LINGO2: variants seen among roughly 807,000 people sequenced by gnomAD.
LINGO2 encodes the protein leucine-rich repeat and immunoglobulin-like domain-containing nogo receptor-interacting protein 2.
A neutral mutation model predicts 30.6 loss-of-function variants in LINGO2; 14 were observed. The observed-to-expected ratio is 0.46, with a 90% CI of 0.30 to 0.72. The LOEUF (loss-of-function observed/expected upper bound fraction) is 0.72, where lower values mean the gene tolerates loss of function less well. Ranked by LOEUF, LINGO2 falls within the 30% of genes least tolerant of loss-of-function variation. LINGO2 has a pLI of 0.07. For synonymous variants in LINGO2, 317 were observed against 288.5 expected (o/e 1.10, Z -1.00); for missense variants, 729 against 751.7 (o/e 0.97, Z 0.35).
intron 1 of LINGO2, among the ~76,000 whole-genome samples, chr9:28,555,909 A>T (rs1033104388): frequency 6.6e-6 from 1 of 152,110 alleles, no homozygotes; most frequent in African/African-American, 2.4e-5. Context: ...CGATTATCTC[A>T]ATAGATGCAG....
At chr9:28,828,212 A>T in the LINGO2 span, among the ~76,000 whole-genome samples, 1 of 152,014 alleles carries the variant, frequency 6.6e-6, no homozygotes, top group African/African-American at 2.4e-5. Context: ...TCTGAATCCA[A>T]CTAGACCAGG....
the LINGO2 span, among the ~76,000 whole-genome samples, chr9:28,864,911 G>A: frequency 6.6e-6 from 1 of 152,054 alleles, no homozygotes; most frequent in Non-Finnish European, 1.5e-5. Flanking sequence ...AAATACAAAG[G>A]AGAAAACAAG....
chr9:29,196,153 G>T, the LINGO2 span, among the ~76,000 whole-genome samples: 4 of 152,024 alleles, frequency 2.6e-5, no homozygotes, highest in African/African-American at 9.7e-5. Context: ...TGGACCCTGG[G>T]ATTGCAGAGC....
chr9:28,948,903 C>A, the LINGO2 span, among the ~76,000 whole-genome samples: 1 of 151,880 alleles, frequency 6.6e-6, no homozygotes, highest in Non-Finnish European at 1.5e-5. Flanking sequence ...CTAGATGGCA[C>A]AAGTGGATCT....
intron 1 of LINGO2, among the ~76,000 whole-genome samples, chr9:28,529,222 G>A (rs778219029): frequency 3.9e-5 from 6 of 152,038 alleles, no homozygotes; most frequent in Admixed American, 6.6e-5. Context: ...TACAATGAAT[G>A]CAAGCCCATT....
intron 4 of LINGO2, among the ~76,000 whole-genome samples, chr9:28,049,312 A>G (rs1429565700): frequency 6.6e-6 from 1 of 150,898 alleles, no homozygotes; most frequent in Non-Finnish European, 1.5e-5. Flanking sequence ...AGACATGTCA[A>G]TGATCATTAA....
chr9:28,123,951 C>A (rs1398779075), intron 4 of LINGO2, among the ~76,000 whole-genome samples: 1 of 152,124 alleles, frequency 6.6e-6, no homozygotes, highest in Non-Finnish European at 1.5e-5. Flanking sequence ...CAGGTGTGAG[C>A]CACCGCACCC....
chr9:29,159,626 G>A, the LINGO2 span, among the ~76,000 whole-genome samples: 1 of 152,112 alleles, frequency 6.6e-6, no homozygotes, highest in Non-Finnish European at 1.5e-5. Context: ...GGAGGCTGAG[G>A]CAGGCAGATC....
the LINGO2 span, among the ~76,000 whole-genome samples, chr9:29,213,514 G>C: frequency 6.6e-6 from 1 of 152,108 alleles, no homozygotes; most frequent in African/African-American, 2.4e-5. Flanking sequence ...AGGTGAGGAG[G>C]CTTTGAGGAG....
chr9:28,995,601 C>G, the LINGO2 span, among the ~76,000 whole-genome samples: 1 of 152,102 alleles, frequency 6.6e-6, no homozygotes, highest in Non-Finnish European at 1.5e-5. Context: ...TTCACAATAG[C>G]AAAGACTTGG....
chr9:28,586,807 G>A (rs572961045), intron 1 of LINGO2, among the ~76,000 whole-genome samples: 1 of 151,960 alleles, frequency 6.6e-6, no homozygotes, highest in Non-Finnish European at 1.5e-5. Context: ...CTGCTCATCT[G>A]CCCTAGTCCT....
chr9:28,094,005 G>T (rs1263629924), intron 4 of LINGO2, among the ~76,000 whole-genome samples: 5 of 152,236 alleles, frequency 3.3e-5, no homozygotes, highest in East Asian at 3.9e-4. Flanking sequence ...GGATCTGGCA[G>T]CTAGTAGAGG....
intron 5 of LINGO2, among the ~76,000 whole-genome samples, chr9:27,953,624 C>T: frequency 6.6e-6 from 1 of 152,160 alleles, no homozygotes; most frequent in Non-Finnish European, 1.5e-5. Flanking sequence ...GGGGCTTTTC[C>T]CTCTTTGTTC....
the LINGO2 span, among the ~76,000 whole-genome samples, chr9:28,684,175 C>CTTTTTATTTT: frequency 2.2e-5 from 1 of 45,430 alleles, no homozygotes; most frequent in Non-Finnish European, 3.8e-5. Context: ...AAATGTTTAT[C>CTTTTTATTTT]TTTTTTTTTT....
chr9:29,131,847 G>A, the LINGO2 span, among the ~76,000 whole-genome samples: 4 of 151,670 alleles, frequency 2.6e-5, no homozygotes, highest in African/African-American at 9.7e-5. Context: ...TCTAAGTACT[G>A]TCAAGGTAAG....
chr9:28,304,125 T>G (rs965189942), intron 3 of LINGO2, among the ~76,000 whole-genome samples: 6 of 151,998 alleles, frequency 3.9e-5, no homozygotes, highest in African/African-American at 1.4e-4. Flanking sequence ...GTGGATCTCC[T>G]TCTGATGAAT....
At chr9:29,020,155 A>T in the LINGO2 span, among the ~76,000 whole-genome samples, 1 of 152,196 alleles carries the variant, frequency 6.6e-6, no homozygotes, top group Non-Finnish European at 1.5e-5. Context: ...AATGGCTAAC[A>T]TATGCTCAAA....
At chr9:28,957,047 T>A in the LINGO2 span, among the ~76,000 whole-genome samples, 1 of 151,956 alleles carries the variant, frequency 6.6e-6, no homozygotes, top group East Asian at 2.0e-4. Context: ...CAGGAAATTG[T>A]CCCCTAAATT....
At chr9:28,901,596 G>C in the LINGO2 span, among the ~76,000 whole-genome samples, 1 of 151,720 alleles carries the variant, frequency 6.6e-6, no homozygotes, top group South Asian at 2.1e-4. Flanking sequence ...AAAGTGTAGA[G>C]TTTTTATATG....
Sources: allele counts gnomAD v4.1 joint callset (sites outside exome capture counted in the v4.1 genomes callset), GRCh38; gene constraint gnomAD v4.1.1; transcripts MANE v1.5; gene names NCBI Gene and HGNC (gene_info 2026-07-23, HGNC 2026-07-21).